Variants in SIPA1L3 observed in about 807,000 individuals in gnomAD.
SIPA1L3 encodes signal induced proliferation associated 1 like 3.
In SIPA1L3, 59 loss-of-function variants were observed where a neutral mutation model predicts 150.1. That is an observed-to-expected ratio of 0.39 (90% CI 0.32 to 0.49). The LOEUF (loss-of-function observed/expected upper bound fraction) is 0.49. Ranked by LOEUF, SIPA1L3 falls within the 20% of genes least tolerant of loss-of-function variation. The pLI, the probability that SIPA1L3 is intolerant of heterozygous loss-of-function variation, is 0.86. For synonymous variants in SIPA1L3, 1,070 were observed against 1,077.6 expected, an observed-to-expected ratio of 0.99 and a Z score of 0.14; for missense variants, 2,211 against 2,489.5, an observed-to-expected ratio of 0.89 and a Z score of 2.38.
chr19:38,110,789 G>A (rs1970719821), intron 8 of SIPA1L3, among the ~76,000 whole-genome samples: 1 of 152,060 alleles, frequency 6.6e-6, no homozygotes, highest in Admixed American at 6.6e-5. Context: ...CCCCCAAAAT[G>A]AGAGCTTTTC....
rs1413504737 is a variant in SIPA1L3 at position 38,082,013 on chromosome 19, G to A, written c.448G>A (p.Glu150Lys). ...CTCCAGGAGAAGGTCCAAAGACGTG[G>A]AGTTCCAGGACGGGTGGCCCCGGTC... ...RLSRRRSKDVEFQDGWPRSPG... is the reference protein window; with the variant it reads ...RLSRRRSKDVKFQDGWPRSPG... The change falls in exon 3 of 22, where the codon GAG becomes AAG. Residue 150 changes from glutamate (E) to lysine (K), a missense_variant. Physicochemically the swap from Glu to Lys is moderately conservative, Grantham distance 56. Around this residue, in one of 5 missense-constraint regions of SIPA1L3, gnomAD observed 587 missense variants for 534.5 expected, o/e 1.10. Transcript: ENST00000222345. 9 of 1,614,074 alleles carry A rather than the reference G, an allele frequency of 5.6e-6. No homozygotes were observed. The Admixed American group carries it at 1.5e-4, about 27-fold the overall frequency.
chr19:37,907,646 A>T (rs929855434), intron 1 of SIPA1L3: 1 of 152,252 alleles, frequency 6.6e-6, no homozygotes, highest in East Asian at 1.9e-4. Context: ...AACCGCGCCG[A>T]ACCTCAATTT....
chr19:38,107,052 A>G (rs1970638297), intron 7 of SIPA1L3, among the ~76,000 whole-genome samples: 1 of 152,202 alleles, frequency 6.6e-6, no homozygotes, highest in South Asian at 2.1e-4. Context: ...GTCTGGTTGG[A>G]TCCAGGGACT....
At position 37,920,864 on chromosome 19, in the gene SIPA1L3, C is replaced by T. The variant is rs117417339; in HGVS notation, c.-379+13506C>T. Among the ~76,000 whole-genome samples, 91 of 152,322 alleles carry T rather than the reference C, an allele frequency of 6.0e-4. No homozygotes were observed. The East Asian group carries it at 0.015, about 26-fold the overall frequency. On this transcript the variant is annotated intron_variant, in intron 1 of 21. Coordinates refer to ENST00000222345, the MANE Select transcript of SIPA1L3 (RefSeq NM_015073.3). Reference sequence around the variant, plus strand: ...CAGCGAACACCGTGGCACTGGCCTTCGAGTCAGTTTACTGAGGTCCCTTTT... The same window carrying T: ...CAGCGAACACCGTGGCACTGGCCTTTGAGTCAGTTTACTGAGGTCCCTTTT...
chr19:38,203,691 T>G, intron 20 of SIPA1L3: 1 of 159,252 alleles, frequency 6.3e-6, no homozygotes, highest in Non-Finnish European at 1.4e-5. Flanking sequence ...GCCAGGACCA[T>G]TGTTGGTCCT....
At chr19:37,912,563 A>T (rs1244602214) in intron 1 of SIPA1L3, among the ~76,000 whole-genome samples, 1 of 152,122 alleles carries the variant, frequency 6.6e-6, no homozygotes, top group Non-Finnish European at 1.5e-5. Context: ...TGGCGTCATC[A>T]TAGCTCACTG....
At chr19:37,970,566 C>T (rs764112240) in intron 1 of SIPA1L3, among the ~76,000 whole-genome samples, 4 of 150,180 alleles carry the variant, frequency 2.7e-5, no homozygotes, top group Non-Finnish European at 4.4e-5. Flanking sequence ...GTTCTTTCTT[C>T]GCACTAAAGC....
intron 1 of SIPA1L3, among the ~76,000 whole-genome samples, chr19:37,925,430 G>A (rs1205208334): frequency 6.6e-6 from 1 of 152,070 alleles, no homozygotes; most frequent in Non-Finnish European, 1.5e-5. Flanking sequence ...TGAGGGGCCT[G>A]GTAAGATTGA....
intron 21 of SIPA1L3, 39 bp from the exon 22 acceptor site, chr19:38,206,058 A>G: frequency 6.6e-7 from 1 of 1,509,048 alleles, no homozygotes; most frequent in African/African-American, 1.4e-5. Flanking sequence ...AGGAGCGGCC[A>G]AGCCCACCCG....
At chr19:38,030,623 AATATATATATAT>A (rs757828313) in intron 2 of SIPA1L3, among the ~76,000 whole-genome samples, 634 of 42,640 alleles carry the variant, frequency 0.015, 53 homozygotes, top group African/African-American at 0.037. Flanking sequence ...ATATGTGGCA[AATATATATATAT>A]ATATATATAT....
chr19:37,944,312 T>C (rs1202594003), intron 1 of SIPA1L3, among the ~76,000 whole-genome samples: 2 of 151,890 alleles, frequency 1.3e-5, no homozygotes, highest in Admixed American at 6.6e-5. Flanking sequence ...TCTGCTTCAT[T>C]GTCTTGACCT....
chr19:38,187,255 C>G (rs961858551), intron 16 of SIPA1L3, among the ~76,000 whole-genome samples: 4 of 151,870 alleles, frequency 2.6e-5, no homozygotes, highest in African/African-American at 9.7e-5. Context: ...AGTTTGAGAC[C>G]AGCCTGGCCA....
intron 10 of SIPA1L3, among the ~76,000 whole-genome samples, chr19:38,140,787 G>T (rs1354445733): frequency 6.6e-6 from 1 of 152,132 alleles, no homozygotes; most frequent in Non-Finnish European, 1.5e-5. Context: ...GCCGGGCGCG[G>T]TGGCTCACTC....
intron 1 of SIPA1L3, among the ~76,000 whole-genome samples, chr19:37,975,333 G>A (rs1351280996): frequency 1.3e-5 from 2 of 152,138 alleles, no homozygotes; most frequent in Non-Finnish European, 2.9e-5. Flanking sequence ...CGTGTAGGCC[G>A]AGCCTAGAGC....
Position 38,142,497 on chromosome 19 carries a change from C to G in SIPA1L3, c.3396-76C>G, listed in dbSNP as rs189017418. On this transcript the variant is annotated intron_variant, in intron 11 of 21. Transcript: ENST00000222345. ...TCTGTCCGTCTGTCCATCCATCTGT[C>G]TGTCCGTCCATCCTCCCAGGGCAGG... 4 of 1,477,938 alleles carry G rather than the reference C, an allele frequency of 2.7e-6. No homozygotes were observed. The African/African-American group carries it at 5.6e-5, about 21-fold the overall frequency. The allele number at this position is 1,477,938 out of a possible 1,614,324, so 91.6% of individuals were successfully genotyped here.
intron 2 of SIPA1L3, among the ~76,000 whole-genome samples, chr19:38,050,445 G>A (rs1969165319): frequency 2.0e-5 from 3 of 152,152 alleles, no homozygotes; most frequent in African/African-American, 7.2e-5. Flanking sequence ...AACAGAGTGA[G>A]ACTGTCTCAA....
At chr19:38,107,198 G>A (rs1260341443) in intron 7 of SIPA1L3, among the ~76,000 whole-genome samples, 4 of 152,238 alleles carry the variant, frequency 2.6e-5, no homozygotes, top group Admixed American at 6.5e-5. Context: ...TCAGCAGAAA[G>A]AGTGCTGTTT....
At chr19:38,188,779 C>CGG (rs1274525658) in intron 16 of SIPA1L3, among the ~76,000 whole-genome samples, 2 of 151,732 alleles carry the variant, frequency 1.3e-5, no homozygotes, top group Admixed American at 6.6e-5. Flanking sequence ...AAAAATTAGC[C>CGG]GGGCGTGGTG....
intron 2 of SIPA1L3, among the ~76,000 whole-genome samples, chr19:38,072,082 C>T (rs1969734745): frequency 6.6e-6 from 1 of 152,220 alleles, no homozygotes; most frequent in Non-Finnish European, 1.5e-5. Context: ...CCTGTGATTG[C>T]AAGGAAGGCT....
Sources: gnomAD v4.1 joint callset for allele counts (sites outside exome capture counted in the v4.1 genomes callset) on GRCh38, gnomAD v4.1.1 for gene constraint, gnomAD v4.1.1 regional missense constraint, MANE v1.5 for transcripts, NCBI Gene and HGNC (gene_info 2026-07-23, HGNC 2026-07-21) for gene names.